Variants in GRM7 observed in about 807,000 individuals in gnomAD.
The protein encoded by GRM7 is glutamate metabotropic receptor 7.
A neutral mutation model predicts 84.5 loss-of-function variants in GRM7; 35 were observed. The ratio of observed to expected loss-of-function variants is 0.41; its 90% CI spans 0.32 to 0.55. The LOEUF (loss-of-function observed/expected upper bound fraction) is 0.55. GRM7 is among the 20% of genes least tolerant of loss of function. GRM7 has a pLI of 0.19. For missense variants in GRM7, 1,003 were observed against 1,194.6 expected, an observed-to-expected ratio of 0.84 and a Z score of 2.36; for synonymous variants, 487 against 455.1, an observed-to-expected ratio of 1.07 and a Z score of -0.89.
At chr3:7,046,151 C>T (rs2124947923) in intron 1 of GRM7, among the ~76,000 whole-genome samples, 1 of 152,098 alleles carries the variant, frequency 6.6e-6, no homozygotes, top group South Asian at 2.1e-4. Flanking sequence ...ATTCTATTGT[C>T]CATTGTTATG....
intron 7 of GRM7, among the ~76,000 whole-genome samples, chr3:7,488,857 T>TTTTATTTATTTA (rs1559357440): frequency 1.4e-5 from 1 of 69,284 alleles, no homozygotes; most frequent in Non-Finnish European, 3.0e-5. Context: ...TCTAGTAAGG[T>TTTTATTTATTTA]CTTATTTATT....
At chr3:7,421,609 C>T (rs1696396615) in intron 5 of GRM7, among the ~76,000 whole-genome samples, 1 of 151,888 alleles carries the variant, frequency 6.6e-6, no homozygotes, top group Admixed American at 6.6e-5. Flanking sequence ...CATGATTTTT[C>T]ACTAGCCATG....
In GRM7 at chr3:7,680,367, G is replaced by C. The variant is rs569161484; in HGVS notation, c.2698+72G>C. Reference sequence around the variant, plus strand: ...GCTCTAGAAGATGTGGGGTGTGCTTGCCTCTCTGGAGAAATACTGTGATCG... The same window carrying C: ...GCTCTAGAAGATGTGGGGTGTGCTTCCCTCTCTGGAGAAATACTGTGATCG... On this transcript the variant is annotated intron_variant, in intron 9 of 9. Transcript: ENST00000357716. 69 of 1,498,348 alleles carry C rather than the reference G, an allele frequency of 4.6e-5. 1 individual carries two copies. In the South Asian group the frequency reaches 6.9e-4, roughly 15 times the overall value. 92.8% of individuals were successfully genotyped at this position (1,498,348 alleles called of 1,614,324 possible).
intron 1 of GRM7, among the ~76,000 whole-genome samples, chr3:7,115,215 T>G (rs796417437): frequency 5.3e-5 from 8 of 152,254 alleles, no homozygotes; most frequent in African/African-American, 1.9e-4. Context: ...ATCTGAACCA[T>G]AATGCTATAT....
intron 1 of GRM7, among the ~76,000 whole-genome samples, chr3:7,064,849 C>A (rs753927826): frequency 1.3e-5 from 2 of 151,566 alleles, no homozygotes; most frequent in African/African-American, 4.8e-5. Context: ...TGCATCCATG[C>A]CAACATCTAC....
intron 2 of GRM7, among the ~76,000 whole-genome samples, chr3:7,259,953 G>GTTTTTTTTTGT (rs1553638866): frequency 2.2e-5 from 2 of 89,668 alleles, no homozygotes; most frequent in Non-Finnish European, 3.8e-5. Flanking sequence ...ACCAGCATCT[G>GTTTTTTTTTGT]TTTTTTTTTT....
At position 7,161,739 on chromosome 3, in the gene GRM7, T is replaced by G. The variant is rs369749973; in HGVS notation, c.736+15071T>G. The stretch of plus-strand genomic sequence containing the variant: ...CAAATATCTGTTCAGTGCCTACTGG[T>G]GTCAAGCACTATTCTAGATCCTAGG... On this transcript the variant is annotated intron_variant, in intron 2 of 9. Transcript: ENST00000357716. 2.0e-4 allele frequency among the ~76,000 whole-genome samples: 30 copies of G among 152,360 alleles called. 1 individual carries two copies. The highest frequency in any genetic ancestry group is 3.4e-3 in the Middle Eastern group (1 of 294).
intron 2 of GRM7, among the ~76,000 whole-genome samples, chr3:7,245,906 G>A (rs114883929): frequency 0.021 from 3,215 of 151,976 alleles, 120 homozygotes; most frequent in African/African-American, 0.073. Context: ...ATTTGAAATA[G>A]CATCAAATTA....
intron 7 of GRM7, among the ~76,000 whole-genome samples, chr3:7,532,873 G>GA (rs1701096482): frequency 1.2e-5 from 1 of 80,334 alleles, no homozygotes; most frequent in East Asian, 3.4e-4. Context: ...AACCAACAAA[G>GA]ATAAAAAAAA....
intron 2 of GRM7, among the ~76,000 whole-genome samples, chr3:7,213,046 T>C (rs1696482370): frequency 6.6e-6 from 1 of 152,206 alleles, no homozygotes; most frequent in South Asian, 2.1e-4. Flanking sequence ...ATTTTTACCA[T>C]CCTGATTCTG....
intron 1 of GRM7, among the ~76,000 whole-genome samples, chr3:6,903,997 G>A (rs9834705): frequency 0.55 from 84,001 of 151,800 alleles, 25,493 homozygotes; most frequent in African/African-American, 0.83. Context: ...GTAGGTGTTC[G>A]TTTATGTTCA....
rs750125996 is a variant in GRM7 at position 6,928,411 on chromosome 3, G to T, written c.519+66504G>T. Among the ~76,000 whole-genome samples, 2 of 152,062 alleles carry T rather than the reference G, an allele frequency of 1.3e-5. No homozygotes were observed. The highest frequency in any genetic ancestry group is 2.9e-5 in the Non-Finnish European group (2 of 68,028). On this transcript the variant is annotated intron_variant, in intron 1 of 9. Transcript: ENST00000357716. The surrounding 1 kb of genome is among the most constrained non-coding windows in gnomAD (Gnocchi z 4.5). ...GAATTTGCATTGATATTCGATATAGGCATCATGGCATATGAGGAAGCAAAA... is the reference window on the plus strand; with the variant it reads ...GAATTTGCATTGATATTCGATATAGTCATCATGGCATATGAGGAAGCAAAA...
chr3:7,437,409 T>C (rs1359076333), intron 5 of GRM7, among the ~76,000 whole-genome samples: 1 of 152,204 alleles, frequency 6.6e-6, no homozygotes, highest in Non-Finnish European at 1.5e-5. Flanking sequence ...CAGTTATTTA[T>C]TGTGCTAGAC....
intron 8 of GRM7, among the ~76,000 whole-genome samples, chr3:7,582,651 TAACAG>T (rs1338243446): frequency 8.5e-6 from 1 of 117,374 alleles, no homozygotes; most frequent in Non-Finnish European, 2.0e-5. Context: ...GTGCATATTA[TAACAG>T]AACAAGGTTA....
At chr3:7,091,623 T>C (rs1698666256) in intron 1 of GRM7, among the ~76,000 whole-genome samples, 1 of 151,454 alleles carries the variant, frequency 6.6e-6, no homozygotes, top group East Asian at 1.9e-4. Context: ...AGAGATGCTG[T>C]AGTGAATAGC....
chr3:7,575,811 A>G (rs1694932783), intron 7 of GRM7, among the ~76,000 whole-genome samples: 1 of 152,184 alleles, frequency 6.6e-6, no homozygotes, highest in Admixed American at 6.5e-5. Context: ...TGATCAGTCA[A>G]TGTGATGTTC....
chr3:7,416,638 TATAAA>T (rs1696171551), intron 5 of GRM7, among the ~76,000 whole-genome samples: 3 of 152,092 alleles, frequency 2.0e-5, no homozygotes, highest in South Asian at 4.1e-4. Flanking sequence ...ACAATAATGA[TATAAA>T]ATAAGTATGA....
intron 1 of GRM7, among the ~76,000 whole-genome samples, chr3:7,037,418 C>T (rs567150817): frequency 1.3e-5 from 2 of 152,262 alleles, no homozygotes; most frequent in East Asian, 3.9e-4. Flanking sequence ...ACTTAATCTG[C>T]TTGTGTCTCT....
chr3:7,092,371 A>G lies in GRM7; in HGVS notation c.520-54081A>G, dbSNP rs142189706. Among the ~76,000 whole-genome samples the G allele has an allele frequency of 8.6e-3, 1,304 of 152,130 alleles. 16 individuals are homozygous for G. The highest frequency in any genetic ancestry group is 0.03 in the African/African-American group (1,234 of 41,490). Reference sequence around the variant, plus strand: ...GTTAAGAGCAAACATTTTAGTTACCACTTCTTGGTTTAATCCAGGATCCTG... The same window carrying G: ...GTTAAGAGCAAACATTTTAGTTACCGCTTCTTGGTTTAATCCAGGATCCTG... On this transcript the variant is annotated intron_variant, in intron 1 of 9. Coordinates refer to ENST00000357716, the MANE Select transcript of GRM7 (RefSeq NM_000844.4).
Sources: allele counts gnomAD v4.1 joint callset (sites outside exome capture counted in the v4.1 genomes callset), GRCh38; gene constraint gnomAD v4.1.1; non-coding constraint Gnocchi (gnomAD v3.1); transcripts MANE v1.5; gene names NCBI Gene and HGNC (gene_info 2026-07-23, HGNC 2026-07-21).